Variants in RBM27 observed in about 807,000 individuals in gnomAD.
RBM27 encodes RNA binding motif protein 27.
A neutral mutation model predicts 135.3 loss-of-function variants in RBM27; 22 were observed. The ratio of observed to expected loss-of-function variants is 0.16; its 90% CI spans 0.12 to 0.23. The LOEUF (loss-of-function observed/expected upper bound fraction) is 0.23. RBM27 is among the 10% of genes least tolerant of loss of function. The pLI, the probability that RBM27 is intolerant of heterozygous loss-of-function variation, is 1.00. For missense variants in RBM27, 1,009 were observed against 1,281.0 expected, an observed-to-expected ratio of 0.79 and a Z score of 3.24; for synonymous variants, 481 against 442.4, an observed-to-expected ratio of 1.09 and a Z score of -1.10.
intron 3 of RBM27, among the ~76,000 whole-genome samples, chr5:146,226,080 C>CTGG (rs1342717147): frequency 1.4e-5 from 2 of 146,374 alleles, no homozygotes; most frequent in East Asian, 4.0e-4. Context: ...GTTGGCCAGG[C>CTGG]TGGTCTTAAA....
chr5:146,223,148 C>A (rs1205019944), intron 2 of RBM27, among the ~76,000 whole-genome samples: 1 of 152,074 alleles, frequency 6.6e-6, no homozygotes, highest in Non-Finnish European at 1.5e-5. Context: ...GTCTCTTATT[C>A]ATGGAAATTT....
Position 146,289,001 on chromosome 5 carries a change from T to A in RBM27, c.*2971T>A, listed in dbSNP as rs1346877069. ...TTGTGTAATAGTATAATAGGAGATA[T>A]TGTTGAATTTCTAACTGTTTATACA... On this transcript the variant is annotated 3_prime_UTR_variant, in exon 21 of 21. Transcript: ENST00000265271. The A allele has an allele frequency of 6.6e-6, 1 of 152,248 alleles. No homozygotes were observed. Among genetic ancestry groups the A allele is most frequent in the African/African-American group, 2.4e-5 (1 of 41,576 alleles). 9.4% of individuals were successfully genotyped at this position (152,248 alleles called of 1,614,324 possible).
At chr5:146,254,625 A>G (rs1347117510) in intron 9 of RBM27, among the ~76,000 whole-genome samples, 1 of 152,224 alleles carries the variant, frequency 6.6e-6, no homozygotes, top group African/African-American at 2.4e-5. Context: ...AACAATATCC[A>G]TAACAGCTAT....
chr5:146,236,490 C>G (rs1360133937), intron 7 of RBM27, among the ~76,000 whole-genome samples: 1 of 152,184 alleles, frequency 6.6e-6, no homozygotes, highest in South Asian at 2.1e-4. Context: ...TTTGCCTCTT[C>G]TAGAACAAGT....
intron 1 of RBM27, among the ~76,000 whole-genome samples, chr5:146,212,332 G>A (rs569147626): frequency 1.3e-5 from 2 of 150,276 alleles, no homozygotes; most frequent in South Asian, 2.1e-4. Context: ...GGGATTACAG[G>A]CGTGAGCCAC....
rs768613021 is a variant in RBM27 at position 146,271,590 on chromosome 5, C to T, written c.2904C>T (p.His968=). The stretch of plus-strand genomic sequence containing the variant: ...GAAGAGGAAGGGGCTCACTAAATCA[C>T]ATGGTGGTGGACCATCGTCCCAAAG... ...RGGRGRGSLN[H]MVVDHRPKAL... is the part of the protein sequence containing the mutation. The change falls in exon 19 of 21, where the codon CAC becomes CAT. Residue 968 remains histidine (H), a synonymous_variant. Transcript: ENST00000265271. 5.0e-6 allele frequency: 8 copies of T among 1,613,748 alleles called. No homozygotes were observed. The highest frequency in any genetic ancestry group is 4.5e-5 in the East Asian group (2 of 44,886).
rs143946429 is a variant in RBM27, at chr5:146,228,196, A to C, written c.304-750A>C. Among the ~76,000 whole-genome samples the C allele has an allele frequency of 3.1e-3, 465 of 151,180 alleles. 4 individuals carry two copies. The highest frequency in any genetic ancestry group is 0.011 in the African/African-American group (449 of 41,122). On this transcript the variant is annotated intron_variant, in intron 3 of 20. Transcript: ENST00000265271. ...GGCTATGAATTGACTTTATTTTTTC[A>C]GTGTATTTACTCGTGCCCTCTCTTG... is the stretch of plus-strand genomic sequence containing the variant.
intron 19 of RBM27, among the ~76,000 whole-genome samples, chr5:146,272,840 A>G (rs1342421775): frequency 2.0e-5 from 3 of 152,300 alleles, no homozygotes; most frequent in Non-Finnish European, 4.4e-5. Flanking sequence ...TTCTTGGGGA[A>G]GATAGGCCAA....
intron 14 of RBM27, among the ~76,000 whole-genome samples, chr5:146,267,242 G>T (rs1445737559): frequency 3.3e-5 from 5 of 152,228 alleles, no homozygotes; most frequent in Non-Finnish European, 7.3e-5. Context: ...TACCTGGAAT[G>T]AGGCTAAAGC....
intron 19 of RBM27, 26 bp from the exon 20 acceptor site, chr5:146,284,596 G>A: frequency 7.0e-7 from 1 of 1,433,448 alleles, no homozygotes; most frequent in Non-Finnish European, 9.8e-7. Context: ...GTGCAAACTT[G>A]TATGTTCTTC....
intron 6 of RBM27, among the ~76,000 whole-genome samples, chr5:146,232,202 ACAT>A (rs1356417376): frequency 6.6e-6 from 1 of 152,194 alleles, no homozygotes; most frequent in Non-Finnish European, 1.5e-5. Context: ...CAAGTCACAG[ACAT>A]CATAATTTTT....
chr5:146,264,616 C>G (rs1226075985), intron 14 of RBM27, among the ~76,000 whole-genome samples: 1 of 137,364 alleles, frequency 7.3e-6, no homozygotes, highest in Non-Finnish European at 1.5e-5. Context: ...TATATCTATA[C>G]TATAACTCTT....
intron 3 of RBM27, among the ~76,000 whole-genome samples, chr5:146,225,418 T>G (rs1330862981): frequency 6.6e-6 from 1 of 152,248 alleles, no homozygotes; most frequent in Non-Finnish European, 1.5e-5. Context: ...GCTATATTTA[T>G]GAAGATCAAC....
At chr5:146,244,806 T>C (rs1444878675) in intron 8 of RBM27, among the ~76,000 whole-genome samples, 1 of 152,050 alleles carries the variant, frequency 6.6e-6, no homozygotes, top group Non-Finnish European at 1.5e-5. Flanking sequence ...TCCCCCAAAG[T>C]GCTGGGATTA....
At chr5:146,205,023 G>T (rs1007184764) in intron 1 of RBM27, among the ~76,000 whole-genome samples, 1 of 152,072 alleles carries the variant, frequency 6.6e-6, no homozygotes, top group African/African-American at 2.4e-5. Flanking sequence ...TCAGCCTCCC[G>T]AGTAGCTGGA....
At chr5:146,275,623 G>T (rs1488632482) in intron 19 of RBM27, among the ~76,000 whole-genome samples, 1 of 151,996 alleles carries the variant, frequency 6.6e-6, no homozygotes, top group Admixed American at 6.6e-5. Context: ...TTATTTCACA[G>T]AAATCTTAAG....
intron 8 of RBM27, among the ~76,000 whole-genome samples, chr5:146,240,260 T>C (rs999437211): frequency 2.6e-5 from 4 of 151,934 alleles, no homozygotes; most frequent in Non-Finnish European, 5.9e-5. Context: ...GCCCAAATTC[T>C]AAGTATACTT....
intron 8 of RBM27, among the ~76,000 whole-genome samples, chr5:146,250,370 G>C (rs189040796): frequency 6.8e-6 from 1 of 147,414 alleles, no homozygotes; most frequent in African/African-American, 2.5e-5. Flanking sequence ...GAACCCGGGA[G>C]ACGGAGCTTG....
rs1758315106 is a variant in RBM27 at position 146,259,982 on chromosome 5, A to G, written c.1740-763A>G. Among the ~76,000 whole-genome samples, 3 of 89,468 alleles carry G rather than the reference A, an allele frequency of 3.4e-5. No individual in the cohort carries two copies. The Admixed American group carries it at 4.6e-4, about 14-fold the overall frequency. 58.7% of individuals were successfully genotyped at this position (89,468 alleles called of 152,430 possible). ...GCGACAGAGCGAGACTCCGTCTCAAAAAAAAAAAAAAAAAAAAAAAAAAAA... is the reference window on the plus strand; with the variant it reads ...GCGACAGAGCGAGACTCCGTCTCAAGAAAAAAAAAAAAAAAAAAAAAAAAA... On this transcript the variant is annotated intron_variant, in intron 11 of 20. Coordinates refer to ENST00000265271, the MANE Select transcript of RBM27 (RefSeq NM_018989.2).
Sources: gnomAD v4.1 joint callset for allele counts (sites outside exome capture counted in the v4.1 genomes callset) on GRCh38, gnomAD v4.1.1 for gene constraint, MANE v1.5 for transcripts, NCBI Gene and HGNC (gene_info 2026-07-23, HGNC 2026-07-21) for gene names.